DLL1: variants seen among roughly 807,000 people sequenced by gnomAD.
The protein encoded by DLL1 is delta like canonical Notch ligand 1.
In DLL1, 9 loss-of-function variants were observed where a neutral mutation model predicts 75.1. That is an observed-to-expected ratio of 0.12 (90% CI 0.07 to 0.21). The LOEUF (loss-of-function observed/expected upper bound fraction) is 0.21. Among genes scored for constraint, DLL1 ranks in the 10% least tolerant of loss-of-function variants. The pLI is 1.00. For synonymous variants in DLL1, 477 were observed against 418.3 expected, an observed-to-expected ratio of 1.14 and a Z score of -1.71; for missense variants, 837 against 1,007.6, an observed-to-expected ratio of 0.83 and a Z score of 2.29.
chr6:170,289,157 G>C lies in DLL1; in HGVS notation c.351+355C>G, dbSNP rs1269232406. On this transcript the variant is annotated intron_variant, in intron 2 of 10. Coordinates refer to ENST00000366756, the MANE Select transcript of DLL1 (RefSeq NM_005618.4). Reference sequence around the variant, plus strand: ...CGGGTGGTAGCGGTCGCGCTGCGCGGGTAATCGCGCCACCAACGCGTCTAG... The same window carrying C: ...CGGGTGGTAGCGGTCGCGCTGCGCGCGTAATCGCGCCACCAACGCGTCTAG... The C allele has an allele frequency of 5.0e-6, 3 of 595,098 alleles. No individual in the cohort carries two copies. The East Asian group carries it at 9.3e-5, about 18-fold the overall frequency. 36.9% of individuals were successfully genotyped at this position (595,098 alleles called of 1,614,324 possible).
In DLL1 at chr6:170,289,567, C is replaced by T. The variant is rs1256102666; in HGVS notation, c.296G>A (p.Gly99Asp). The T allele has an allele frequency of 2.6e-6, 4 of 1,535,260 alleles. No individual in the cohort carries two copies. Among genetic ancestry groups the T allele is most frequent in the Admixed American group, 2.0e-5 (1 of 50,990 alleles). Residue 99 changes from glycine to aspartate, a missense_variant, in exon 2 of 11, where the codon GGC (glycine) becomes GAC (aspartate). Around this residue, in one of 2 missense-constraint regions of DLL1, gnomAD observed 304 missense variants for 461.9 expected, o/e 0.66. Transcript: ENST00000366756. ...GGGGTTGCTGAACGCGGAGTCGGCG[C>T]CCCCGCCGTCGGGCAGACTGAAGGA... Reference protein sequence around the residue: ...VDSFSLPDGGGADSAFSNPIR... With the variant: ...VDSFSLPDGGDADSAFSNPIR...
At position 170,290,211 on chromosome 6, in the gene DLL1, G is replaced by A. The variant is rs527252448; in HGVS notation, c.-72C>T. The A allele has an allele frequency of 2.3e-5, 35 of 1,551,242 alleles. No individual in the cohort carries two copies. The highest frequency in any genetic ancestry group is 9.5e-5 in the East Asian group (4 of 41,952). The stretch of plus-strand genomic sequence containing the variant: ...TTAGAACAGCGGCGGACGCGCGGGG[G>A]ATCGATGGGCCACGGGGAGCGTGGG... On this transcript the variant is annotated 5_prime_UTR_variant, in exon 1 of 11. Transcript: ENST00000366756. The surrounding 1 kb of genome is among the most constrained non-coding windows in gnomAD (Gnocchi z 4.7).
In DLL1 at chr6:170,283,512, G is replaced by T. The variant is rs754638774; in HGVS notation, c.1767C>A (p.Thr589=). ...PADPCRGETE[T]MNNLANCQRE... is the part of the protein sequence containing the mutation. Reference sequence around the variant, plus strand: ...GCTGGCAGTTGGCCAGGTTGTTCATGGTCTCCGTCTCCCCCCGGCAGGGGT... The same window carrying T: ...GCTGGCAGTTGGCCAGGTTGTTCATTGTCTCCGTCTCCCCCCGGCAGGGGT... The change falls in exon 9 of 11, where the codon ACC becomes ACA. Residue 589 remains threonine, a synonymous_variant. Transcript: ENST00000366756. 6.2e-7 allele frequency: 1 copy of T among 1,613,614 alleles called. No individual in the cohort carries two copies. Among genetic ancestry groups the T allele is most frequent in the African/African-American group, 1.3e-5 (1 of 74,934 alleles).
intron 4 of DLL1, among the ~76,000 whole-genome samples, chr6:170,287,160 G>C (rs1783720404): frequency 1.3e-5 from 2 of 152,168 alleles, no homozygotes; most frequent in Admixed American, 1.3e-4. Context: ...TTCAGGCCAA[G>C]GCAAAGCTTA....
Position 170,288,407 on chromosome 6 carries a change from G to A in DLL1, c.502C>T (p.Arg168Cys), listed in dbSNP as rs1313716209. The part of the protein sequence containing the change: ...EWSQDLHSSG[R>C]TDLKYSYRFV... Reference sequence around the variant, plus strand: ...CGGTAGGAGTACTTGAGGTCCGTGCGGCCGCTGCTGTGCAGGTCCTGGGAC... The same window carrying A: ...CGGTAGGAGTACTTGAGGTCCGTGCAGCCGCTGCTGTGCAGGTCCTGGGAC... The change falls in exon 4 of 11, where the codon CGC becomes TGC. Residue 168 changes from arginine (R) to cysteine (C), a missense_variant. Arg to Cys is a radical substitution (Grantham distance 180). Transcript: ENST00000366756. 3 of 1,614,064 alleles carry A rather than the reference G, an allele frequency of 1.9e-6. No homozygotes were observed. The South Asian group carries it at 3.3e-5, about 18-fold the overall frequency.
In DLL1 at chr6:170,290,784, T is replaced by A. The variant is rs916307129; in HGVS notation, c.-645A>T. ...ACAGCAAAGATCCGCGTCTTTCCGA[T>A]GAATCCAGCCAATGCCATCCAGTAC... On this transcript the variant is annotated 5_prime_UTR_variant, in exon 1 of 11. Transcript: ENST00000366756. The surrounding 1 kb of genome is among the most constrained non-coding windows in gnomAD (Gnocchi z 4.7). 2.2e-5 allele frequency: 12 copies of A among 535,486 alleles called. No homozygotes were observed. In the Admixed American group the frequency reaches 3.3e-4, roughly 15 times the overall value. The allele number at this position is 535,486 out of a possible 1,614,324, so 33.2% of individuals were successfully genotyped here. A position where few individuals can be genotyped will look rare whatever the true frequency, so the allele number is the denominator to read the frequency against.
At chr6:170,286,763 C>T (rs761835741) in intron 4 of DLL1, among the ~76,000 whole-genome samples, 16 of 152,078 alleles carry the variant, frequency 1.1e-4, no homozygotes, top group African/African-American at 1.7e-4. Flanking sequence ...GCCTCCCCCG[C>T]GCCCCCGGCC....
chr6:170,289,943 G>C, intron 1 of DLL1, 135 bp from the exon 2 acceptor site: 6 of 1,313,692 alleles, frequency 4.6e-6, no homozygotes, highest in Non-Finnish European at 5.9e-6. Flanking sequence ...CCGGCGCTGG[G>C]GTCGTCGCCC....
Position 170,289,780 on chromosome 6 carries a change from T to C in DLL1, c.83A>G (p.Lys28Arg). 1 of 1,557,482 alleles carries C rather than the reference T, an allele frequency of 6.4e-7. No individual in the cohort carries two copies. The highest frequency in any genetic ancestry group is 1.2e-5 in the South Asian group (1 of 84,714). ...QVWSSGVFEL[K>R]LQEFVNKKGL... is the part of the protein sequence containing the mutation. ...CTTCTTGTTGACGAACTCCTGCAGC[T>C]TCAGTTCGAACACCCCAGAGCTCCA... Residue 28 changes from lysine (K) to arginine (R), a missense_variant, in exon 2 of 11, where the codon AAG (lysine) becomes AGG (arginine). By Grantham distance (26) the Lys-to-Arg change is conservative. Around this residue, in one of 2 missense-constraint regions of DLL1, gnomAD observed 304 missense variants for 461.9 expected, o/e 0.66. Coordinates refer to ENST00000366756, the MANE Select transcript of DLL1 (RefSeq NM_005618.4).
Position 170,290,146 on chromosome 6 carries a change from T to C in DLL1, c.-7A>G. ...GCGCGCACCGACTGCCCATGCTGCT[T>C]CGCTCCACGCGCGAGCCTGGGGGGC... On this transcript the variant is annotated 5_prime_UTR_variant, in exon 1 of 11. Coordinates refer to ENST00000366756, the MANE Select transcript of DLL1 (RefSeq NM_005618.4). The surrounding 1 kb of genome is among the most constrained non-coding windows in gnomAD (Gnocchi z 4.7). The C allele has an allele frequency of 6.3e-7, 1 of 1,593,310 alleles. No individual in the cohort carries two copies. Among genetic ancestry groups the C allele is most frequent in the Non-Finnish European group, 8.5e-7 (1 of 1,177,664 alleles).
At chr6:170,289,850 C>T (rs752410793) in intron 1 of DLL1, 42 bp from the exon 2 acceptor site, 1 of 1,540,804 alleles carries the variant, frequency 6.5e-7, no homozygotes, top group South Asian at 1.2e-5. Context: ...CGGGTCCCGC[C>T]CGAGCTAGGG....
At chr6:170,286,136 GT>G in intron 5 of DLL1, 101 bp downstream of exon 5, 1 of 1,452,012 alleles carries the variant, frequency 6.9e-7, no homozygotes, top group South Asian at 1.1e-5. Flanking sequence ...TCTTACTGGA[GT>G]TTTTCGAATG....
chr6:170,287,389 C>A (rs563095267), intron 4 of DLL1, among the ~76,000 whole-genome samples: 174 of 152,324 alleles, frequency 1.1e-3, no homozygotes, highest in Non-Finnish European at 1.1e-3. Flanking sequence ...CCTACCCAAT[C>A]CCCAGCTGTA....
In DLL1 at chr6:170,289,494, C is replaced by T; in HGVS notation, c.351+18G>A. Reference sequence around the variant, plus strand: ...CCAGCTTCAGGGCCGGCCCGGCGCGCGCAGGTGCGGCACTCACCGGCCAGG... The same window carrying T: ...CCAGCTTCAGGGCCGGCCCGGCGCGTGCAGGTGCGGCACTCACCGGCCAGG... On this transcript the variant is annotated intron_variant, in intron 2 of 10. Coordinates refer to ENST00000366756, the MANE Select transcript of DLL1 (RefSeq NM_005618.4). 6.5e-7 allele frequency: 1 copy of T among 1,528,890 alleles called. No homozygotes were observed. The highest frequency in any genetic ancestry group is 8.7e-7 in the Non-Finnish European group (1 of 1,143,722). 94.7% of individuals were successfully genotyped at this position (1,528,890 alleles called of 1,614,324 possible).
Position 170,289,831 on chromosome 6 carries a change from G to A in DLL1, c.55-23C>T, listed in dbSNP as rs1783809780. On this transcript the variant is annotated intron_variant, in intron 1 of 10. Coordinates refer to ENST00000366756, the MANE Select transcript of DLL1 (RefSeq NM_005618.4). ...GACCTGCACGGGGGAGGGCGGGGGCGTGAGGACGCGGGTCCCGCCCGAGCT... is the reference window on the plus strand; with the variant it reads ...GACCTGCACGGGGGAGGGCGGGGGCATGAGGACGCGGGTCCCGCCCGAGCT... The A allele has an allele frequency of 2.6e-6, 4 of 1,549,090 alleles. No homozygotes were observed. The East Asian group carries it at 9.7e-5, about 38-fold the overall frequency.
At position 170,288,194 on chromosome 6, in the gene DLL1, G is replaced by A. The variant is rs370934277; in HGVS notation, c.670+45C>T. 18 of 1,613,116 alleles carry A rather than the reference G, an allele frequency of 1.1e-5. No individual in the cohort carries two copies. The Middle Eastern group carries it at 9.9e-4, about 89-fold the overall frequency. On this transcript the variant is annotated intron_variant, in intron 4 of 10. Coordinates refer to ENST00000366756, the MANE Select transcript of DLL1 (RefSeq NM_005618.4). ...GAAGCCCCGTCCCTGCGCGCGGTCC[G>A]TGTTCGTGGACGAGTGAGCCAGCGG...
chr6:170,290,652 C>A lies in DLL1; in HGVS notation c.-513G>T, dbSNP rs1192983556. ...GGGCCAGCGGCGCGCGCTGAGGGGACGGTCGGCGGCGGCGGGTGTGCGCGG... is the reference window on the plus strand; with the variant it reads ...GGGCCAGCGGCGCGCGCTGAGGGGAAGGTCGGCGGCGGCGGGTGTGCGCGG... On this transcript the variant is annotated 5_prime_UTR_variant, in exon 1 of 11. Transcript: ENST00000366756. This position sits in a 1 kb window ranked among gnomAD's most constrained non-coding sequence, Gnocchi z 4.7. 1.4e-5 allele frequency: 4 copies of A among 276,548 alleles called. No individual in the cohort carries two copies. The Admixed American group carries it at 2.3e-4, about 16-fold the overall frequency. The allele number at this position is 276,548 out of a possible 1,614,324, so 17.1% of individuals were successfully genotyped here.
chr6:170,284,940 T>A lies in DLL1; in HGVS notation c.1228A>T (p.Ser410Cys). 1 of 1,614,006 alleles carries A rather than the reference T, an allele frequency of 6.2e-7. No homozygotes were observed. Among genetic ancestry groups the A allele is most frequent in the Non-Finnish European group, 8.5e-7 (1 of 1,180,038 alleles). ...TTACCATTAGAACAGGGTGAAGAGC[T>A]GCAGTAGTCAATTTTCTTCTCACAG... ...FNCEKKIDYCSSSPCSNGAKC... is the reference protein window; with the variant it reads ...FNCEKKIDYCCSSPCSNGAKC... The change falls in exon 8 of 11, where the codon AGC becomes TGC. Residue 410 changes from serine (S) to cysteine (C), a missense_variant. Around this residue, in one of 2 missense-constraint regions of DLL1, gnomAD observed 533 missense variants for 545.7 expected, o/e 0.98. Transcript: ENST00000366756.
rs1172054154 is a variant in DLL1 at position 170,282,843 on chromosome 6, G to C, written c.*31C>G. ...CCTTGGAATTTTACTTATTTTAAGA[G>C]AAACGGGAGTCTTGCCATCTCACTT... On this transcript the variant is annotated 3_prime_UTR_variant, in exon 11 of 11. Transcript: ENST00000366756. 6.2e-7 allele frequency: 1 copy of C among 1,614,050 alleles called. No homozygotes were observed.
Sources: gnomAD v4.1 joint callset for allele counts (sites outside exome capture counted in the v4.1 genomes callset) on GRCh38, gnomAD v4.1.1 for gene constraint, gnomAD v4.1.1 regional missense constraint, Gnocchi (gnomAD v3.1) non-coding constraint, MANE v1.5 for transcripts, NCBI Gene and HGNC (gene_info 2026-07-23, HGNC 2026-07-21) for gene names.